MYO16: variants seen among roughly 807,000 people sequenced by gnomAD.
MYO16 encodes unconventional myosin-XVI.
MYO16 carries 94 observed loss-of-function variants against 205.3 expected under a neutral mutation model. The ratio of observed to expected loss-of-function variants is 0.46; its 90% CI spans 0.39 to 0.54. MYO16 has a LOEUF of 0.54. Among genes scored for constraint, MYO16 ranks in the 20% least tolerant of loss-of-function variants. The pLI is 0.00. For synonymous variants in MYO16, 988 were observed against 954.0 expected, an observed-to-expected ratio of 1.04 and a Z score of -0.66; for missense variants, 2,315 against 2,387.5, an observed-to-expected ratio of 0.97 and a Z score of 0.63.
chr13:108,648,470 A>T (rs1434064239), intron 1 of MYO16, among the ~76,000 whole-genome samples: 1 of 152,176 alleles, frequency 6.6e-6, no homozygotes, highest in Non-Finnish European at 1.5e-5. Flanking sequence ...TGAAGAATTG[A>T]CTGACTGAAG....
At chr13:108,825,424 A>C (rs1876199073) in intron 9 of MYO16, among the ~76,000 whole-genome samples, 1 of 151,192 alleles carries the variant, frequency 6.6e-6, no homozygotes, top group Non-Finnish European at 1.5e-5. Context: ...AAAAAATAAA[A>C]AAAAGAAACA....
intron 31 of MYO16, among the ~76,000 whole-genome samples, chr13:109,133,320 G>C (rs765708680): frequency 5.3e-5 from 8 of 152,198 alleles, no homozygotes; most frequent in Non-Finnish European, 7.3e-5. Context: ...AAATGGAGGA[G>C]AGTTACACAC....
At chr13:108,502,580 T>A in the MYO16 span, among the ~76,000 whole-genome samples, 4 of 152,214 alleles carry the variant, frequency 2.6e-5, no homozygotes, top group African/African-American at 4.8e-5. Context: ...TTTTTATTAC[T>A]GAAATTAGTT....
At chr13:109,043,075 A>C (rs1886932514) in intron 23 of MYO16, among the ~76,000 whole-genome samples, 1 of 152,222 alleles carries the variant, frequency 6.6e-6, no homozygotes, top group African/African-American at 2.4e-5. Flanking sequence ...CTTTCCAAAG[A>C]ACATTATCTT....
At position 109,141,004 on chromosome 13, in the gene MYO16, C is replaced by T; in HGVS notation, c.4792C>T (p.Pro1598Ser). Residue 1598 changes from proline (P) to serine (S), a missense_variant, in exon 32 of 35, where the codon CCC becomes TCC. Pro to Ser is a moderately conservative substitution (Grantham distance 74). Around this residue, in one of 3 missense-constraint regions of MYO16, gnomAD observed 1,097 missense variants for 1,092.0 expected, o/e 1.00. Transcript: ENST00000457511. The surrounding 1 kb of genome is among the most constrained non-coding windows in gnomAD (Gnocchi z 4.1). ...CTCCCCGCCGTCCACGCCGCCCCCGCCCCCGCCCCCGCCCGGGCCGCCCCC... is the reference window on the plus strand; with the variant it reads ...CTCCCCGCCGTCCACGCCGCCCCCGTCCCCGCCCCCGCCCGGGCCGCCCCC... The part of the protein sequence containing the change: ...RASPPSTPPP[P>S]PPPPGPPPAP... 2 of 1,320,144 alleles carry T rather than the reference C, an allele frequency of 1.5e-6. No homozygotes were observed. The highest frequency in any genetic ancestry group is 2.5e-5 in the South Asian group (1 of 40,672). 81.8% of individuals were successfully genotyped at this position (1,320,144 alleles called of 1,614,324 possible). A position where few individuals can be genotyped will look rare whatever the true frequency, so the allele number is the denominator to read the frequency against.
intron 11 of MYO16, among the ~76,000 whole-genome samples, chr13:108,860,761 G>A (rs946844130): frequency 1.3e-5 from 2 of 152,164 alleles, no homozygotes; most frequent in African/African-American, 4.8e-5. Flanking sequence ...AGTGAAGCTA[G>A]ACCCCTTCCT....
intron 34 of MYO16, among the ~76,000 whole-genome samples, chr13:109,182,136 G>C (rs915514932): frequency 2.6e-5 from 4 of 152,078 alleles, no homozygotes; most frequent in African/African-American, 9.7e-5. Context: ...AAAACATAAA[G>C]AATTTTTGGT....
intron 31 of MYO16, among the ~76,000 whole-genome samples, chr13:109,132,509 A>G (rs1876588161): frequency 1.3e-5 from 2 of 152,158 alleles, no homozygotes; most frequent in Admixed American, 1.3e-4. Flanking sequence ...GCACTCATCA[A>G]ATACTTACCA....
rs146342736 is a variant in MYO16, at chr13:108,843,817, A to T, written c.1098-526A>T. ...TTTGTTTGAGCTGTATAGAATTAAC[A>T]AAAGTTACTCTGCTTGTAATATTGC... On this transcript the variant is annotated intron_variant, in intron 9 of 34. Coordinates refer to ENST00000457511, the MANE Select transcript of MYO16 (RefSeq NM_001198950.3). Among the ~76,000 whole-genome samples, 662 of 152,288 alleles carry T rather than the reference A, an allele frequency of 4.3e-3. 27 individuals carry two copies. Among genetic ancestry groups the T allele is most frequent in the Admixed American group, 0.039 (594 of 15,292 alleles).
At chr13:108,706,315 G>T (rs1026216842) in intron 2 of MYO16, among the ~76,000 whole-genome samples, 3 of 152,084 alleles carry the variant, frequency 2.0e-5, no homozygotes, top group Admixed American at 6.6e-5. Context: ...AATATCCAGG[G>T]TAATATATTG....
the MYO16 span, among the ~76,000 whole-genome samples, chr13:108,572,908 C>G: frequency 6.6e-6 from 1 of 152,130 alleles, no homozygotes; most frequent in Non-Finnish European, 1.5e-5. Flanking sequence ...TGCTTGATGA[C>G]CTTGCATGAG....
intron 27 of MYO16, among the ~76,000 whole-genome samples, chr13:109,075,083 A>G (rs1394511588): frequency 6.6e-6 from 1 of 152,124 alleles, no homozygotes; most frequent in East Asian, 1.9e-4. Context: ...TTGTATATTT[A>G]CACACCCATT....
intron 28 of MYO16, among the ~76,000 whole-genome samples, chr13:109,103,578 T>C (rs1395355201): frequency 6.6e-6 from 1 of 152,180 alleles, no homozygotes; most frequent in Non-Finnish European, 1.5e-5. Context: ...AAATAGTAAT[T>C]TCGTTGTCAT....
intron 1 of MYO16, among the ~76,000 whole-genome samples, chr13:108,634,541 C>T (rs1475301474): frequency 6.6e-6 from 1 of 152,164 alleles, no homozygotes; most frequent in Non-Finnish European, 1.5e-5. Context: ...CAGGTCATAC[C>T]TTGAAACGAT....
intron 4 of MYO16, among the ~76,000 whole-genome samples, chr13:108,748,939 A>G (rs1375556774): frequency 6.6e-6 from 1 of 152,162 alleles, no homozygotes; most frequent in African/African-American, 2.4e-5. Context: ...GTATATGCTA[A>G]TATCAAAATT....
chr13:109,125,024 AGAGATAAGTAT>A lies in MYO16; in HGVS notation c.3536-87_3536-77del. 7.2e-7 allele frequency: 1 copy of A among 1,384,852 alleles called. No homozygotes were observed. The highest frequency in any genetic ancestry group is 9.9e-7 in the Non-Finnish European group (1 of 1,005,084). 85.8% of individuals were successfully genotyped at this position (1,384,852 alleles called of 1,614,324 possible). ...AATGTACCTTATTCTACAACTGCTC[AGAGATAAGTAT>A]ATTATGATTTTTGTTTGTGCATGTC... On this transcript the variant is annotated intron_variant, in intron 29 of 34. Coordinates refer to ENST00000457511, the MANE Select transcript of MYO16 (RefSeq NM_001198950.3). This position sits in a 1 kb window ranked among gnomAD's most constrained non-coding sequence, Gnocchi z 4.0.
intron 5 of MYO16, among the ~76,000 whole-genome samples, chr13:108,787,445 T>A (rs1267797874): frequency 1.3e-5 from 2 of 152,236 alleles, no homozygotes; most frequent in Non-Finnish European, 2.9e-5. Context: ...AAAGCTACAG[T>A]AATAAATGTT....
chr13:109,021,818 G>C (rs1018057903), intron 23 of MYO16, among the ~76,000 whole-genome samples: 1 of 151,870 alleles, frequency 6.6e-6, no homozygotes, highest in African/African-American at 2.4e-5. Flanking sequence ...AACTCACGAA[G>C]TATTTTTAGA....
intron 1 of MYO16, among the ~76,000 whole-genome samples, chr13:108,648,452 C>A (rs753022023): frequency 2.0e-5 from 3 of 152,078 alleles, no homozygotes; most frequent in Middle Eastern, 3.2e-3. Context: ...CAATGAATTC[C>A]TTGTTTATGA....
Sources: allele counts gnomAD v4.1 joint callset (sites outside exome capture counted in the v4.1 genomes callset), GRCh38; gene constraint gnomAD v4.1.1; regional missense constraint gnomAD v4.1.1; non-coding constraint Gnocchi (gnomAD v3.1); transcripts MANE v1.5; gene names NCBI Gene and HGNC (gene_info 2026-07-23, HGNC 2026-07-21).